The following LHFPL3 variants were observed in gnomAD, a reference collection of about 807,000 sequenced individuals.
The protein encoded by LHFPL3 is LHFPL tetraspan subfamily member 3.
A neutral mutation model predicts 19.3 loss-of-function variants in LHFPL3; 5 were observed. That is an observed-to-expected ratio of 0.26 (90% confidence interval 0.14 to 0.54). The LOEUF is 0.54. Ranked by LOEUF, LHFPL3 falls within the 20% of genes least tolerant of loss-of-function variation. The pLI, the probability that LHFPL3 is intolerant of heterozygous loss-of-function variation, is 0.94. For synonymous variants in LHFPL3, 133 were observed against 126.2 expected, an observed-to-expected ratio of 1.05 and a Z score of -0.36; for missense variants, 249 against 307.4, an observed-to-expected ratio of 0.81 and a Z score of 1.42.
At chr7:104,603,133 TTTTCC>T (rs1791016270) in intron 1 of LHFPL3, among the ~76,000 whole-genome samples, 6 of 123,718 alleles carry the variant, frequency 4.8e-5, no homozygotes, top group Non-Finnish European at 6.6e-5. Context: ...TTTCTTTCTT[TTTTCC>T]CTTCCTTCCT....
At chr7:104,477,870 A>G (rs1584347370) in intron 1 of LHFPL3, among the ~76,000 whole-genome samples, 1 of 152,332 alleles carries the variant, frequency 6.6e-6, no homozygotes, top group East Asian at 1.9e-4. Flanking sequence ...CTAGAGGATG[A>G]GCAGGAATTA....
chr7:104,597,352 A>G (rs1218369879), intron 1 of LHFPL3, among the ~76,000 whole-genome samples: 2 of 152,220 alleles, frequency 1.3e-5, no homozygotes, highest in African/African-American at 4.8e-5. Context: ...CACTCTTTAT[A>G]TTTTAAGATT....
rs2116337143 is a variant in LHFPL3 at position 104,328,766 on chromosome 7, GGAGGA to G, written c.-12_-8del. 6.4e-7 allele frequency: 1 copy of G among 1,563,008 alleles called. No individual in the cohort carries two copies. Among genetic ancestry groups the G allele is most frequent in the South Asian group, 1.1e-5 (1 of 86,966 alleles). ...AGGACCAGGAGGAGGAGGAGGAGGA[GGAGGA>G]GGGGGAGAATGCCCGGAGCCGCCGC... On this transcript the variant is annotated 5_prime_UTR_variant, in exon 1 of 3. Transcript: ENST00000424859. This position sits in a 1 kb window ranked among gnomAD's most constrained non-coding sequence, Gnocchi z 4.6.
At chr7:104,768,236 C>T (rs10259006) in intron 2 of LHFPL3, among the ~76,000 whole-genome samples, 90,810 of 151,828 alleles carry the variant, frequency 0.6, 27,540 homozygotes, top group East Asian at 0.89. Flanking sequence ...TGTTCTATGT[C>T]GTTTGCAAGT....
At chr7:104,872,288 G>C (rs2116661534) in intron 2 of LHFPL3, among the ~76,000 whole-genome samples, 1 of 151,140 alleles carries the variant, frequency 6.6e-6, no homozygotes, top group East Asian at 2.0e-4. Flanking sequence ...AGTGAGCCGA[G>C]ATTGTGCCAC....
At chr7:104,424,114 T>A (rs950010580) in intron 1 of LHFPL3, among the ~76,000 whole-genome samples, 5 of 151,892 alleles carry the variant, frequency 3.3e-5, no homozygotes, top group African/African-American at 4.8e-5. Flanking sequence ...TTCTCTCCCT[T>A]AAAAAAAAGG....
chr7:104,684,872 G>A (rs1792775939), intron 1 of LHFPL3, among the ~76,000 whole-genome samples: 1 of 152,152 alleles, frequency 6.6e-6, no homozygotes, highest in Admixed American at 6.5e-5. Context: ...TGCCCAGTGG[G>A]TAAGTATACT....
At chr7:104,369,251 C>G (rs1437228650) in intron 1 of LHFPL3, among the ~76,000 whole-genome samples, 1 of 152,194 alleles carries the variant, frequency 6.6e-6, no homozygotes, top group African/African-American at 2.4e-5. Flanking sequence ...TAGCCTCATG[C>G]AACCACTGAT....
At chr7:104,653,245 G>A (rs1483892815) in intron 1 of LHFPL3, among the ~76,000 whole-genome samples, 1 of 152,210 alleles carries the variant, frequency 6.6e-6, no homozygotes, top group African/African-American at 2.4e-5. Context: ...GAGAAGAGGG[G>A]TCAAAGTTTG....
chr7:104,485,852 A>G (rs1035013548), intron 1 of LHFPL3, among the ~76,000 whole-genome samples: 2 of 151,870 alleles, frequency 1.3e-5, no homozygotes, highest in South Asian at 2.1e-4. Context: ...TCAATTCCCA[A>G]CTGTGAGTGA....
chr7:104,581,743 C>A (rs897786028), intron 1 of LHFPL3, among the ~76,000 whole-genome samples: 1 of 152,092 alleles, frequency 6.6e-6, no homozygotes, highest in Non-Finnish European at 1.5e-5. Context: ...AAAAGGCTTT[C>A]TTTTCCCATT....
chr7:104,717,744 C>G (rs1370533048), intron 1 of LHFPL3, among the ~76,000 whole-genome samples: 1 of 152,106 alleles, frequency 6.6e-6, no homozygotes. Context: ...AACTATATGG[C>G]AGTTCCTCAA....
At chr7:104,744,731 A>G (rs573371790) in intron 2 of LHFPL3, among the ~76,000 whole-genome samples, 2 of 152,318 alleles carry the variant, frequency 1.3e-5, no homozygotes, top group African/African-American at 4.8e-5. Flanking sequence ...TTGACCTGTC[A>G]GTAGCCTTTT....
Position 104,328,869 on chromosome 7 carries a change from G to A in LHFPL3, c.90G>A (p.Val30=). ...EAAKLYHTNY[V]RNSRAIGVLW... ...CCAAGCTGTACCACACCAACTATGT[G>A]CGGAACTCGCGGGCCATCGGCGTGC... The change falls in exon 1 of 3, where the codon GTG becomes GTA. Residue 30 remains valine, a synonymous_variant. Transcript: ENST00000424859. This position sits in a 1 kb window ranked among gnomAD's most constrained non-coding sequence, Gnocchi z 4.6. 6.2e-7 allele frequency: 1 copy of A among 1,614,178 alleles called. No individual in the cohort carries two copies. The highest frequency in any genetic ancestry group is 8.5e-7 in the Non-Finnish European group (1 of 1,180,030).
intron 1 of LHFPL3, among the ~76,000 whole-genome samples, chr7:104,371,491 C>T (rs1028029809): frequency 6.6e-6 from 1 of 152,194 alleles, no homozygotes; most frequent in African/African-American, 2.4e-5. Context: ...TATCTCATTC[C>T]TACTTTTTAG....
intron 1 of LHFPL3, among the ~76,000 whole-genome samples, chr7:104,453,415 A>T (rs1792479010): frequency 1.3e-5 from 2 of 152,124 alleles, no homozygotes; most frequent in Admixed American, 1.3e-4. Flanking sequence ...CCTTCTACAG[A>T]AAGTGGGAGA....
intron 2 of LHFPL3, among the ~76,000 whole-genome samples, chr7:104,867,837 C>G (rs1293816084): frequency 6.6e-6 from 1 of 152,182 alleles, no homozygotes; most frequent in Non-Finnish European, 1.5e-5. Flanking sequence ...CAATAAAATA[C>G]TGGCAAACTG....
chr7:104,681,133 GTTTT>G (rs1338024123), intron 1 of LHFPL3, among the ~76,000 whole-genome samples: 1 of 146,766 alleles, frequency 6.8e-6, no homozygotes. Context: ...ATACCTTTTG[GTTTT>G]TTGTCTTTCT....
chr7:104,367,198 A>T (rs988684519), intron 1 of LHFPL3, among the ~76,000 whole-genome samples: 3 of 152,194 alleles, frequency 2.0e-5, no homozygotes, highest in Admixed American at 1.3e-4. Flanking sequence ...TACTAGAGAG[A>T]CAGTCTTAAT....
Sources: gnomAD v4.1 joint callset for allele counts (sites outside exome capture counted in the v4.1 genomes callset) on GRCh38, gnomAD v4.1.1 for gene constraint, Gnocchi (gnomAD v3.1) non-coding constraint, MANE v1.5 for transcripts, NCBI Gene and HGNC (gene_info 2026-07-23, HGNC 2026-07-21) for gene names.